Variants in KCNQ1 observed in about 807,000 individuals in gnomAD.
KCNQ1 encodes the protein potassium voltage-gated channel subfamily KQT member 1.
A neutral mutation model predicts 72.4 loss-of-function variants in KCNQ1; 49 were observed. That is an observed-to-expected ratio of 0.68 (90% CI 0.54 to 0.86). The LOEUF is 0.86. Ranked by LOEUF, KCNQ1 falls within the 40% of genes least tolerant of loss-of-function variation. The pLI is 0.00. For missense variants in KCNQ1, 790 were observed against 945.1 expected (o/e 0.84, Z 2.15); for synonymous variants, 450 against 412.6 (o/e 1.09, Z -1.10).
rs1313132427 is a variant in KCNQ1, at chr11:2,572,005, C to G, written c.684-8C>G. 6.2e-7 allele frequency: 1 copy of G among 1,611,004 alleles called. No individual in the cohort carries two copies. Among genetic ancestry groups the G allele is most frequent in the Admixed American group, 1.7e-5 (1 of 59,890 alleles). Reference sequence around the variant, plus strand: ...GGCTCCCTCAGCCCCACACCATCTCCTTCGCAGGGGCATCCGCTTCCTGCA... The same window carrying G: ...GGCTCCCTCAGCCCCACACCATCTCGTTCGCAGGGGCATCCGCTTCCTGCA... On this transcript the variant is annotated splice_region_variant and splice_polypyrimidine_tract_variant and intron_variant, in intron 4 of 15. Transcript: ENST00000155840.
chr11:2,552,586 C>CAA (rs948011621), intron 2 of KCNQ1, among the ~76,000 whole-genome samples: 8 of 148,992 alleles, frequency 5.4e-5, no homozygotes, highest in African/African-American at 1.7e-4. Context: ...TCAATTCTAC[C>CAA]AAAAAAAAAA....
intron 2 of KCNQ1, among the ~76,000 whole-genome samples, chr11:2,532,330 T>C (rs179433): frequency 0.74 from 111,914 of 151,778 alleles, 41,535 homozygotes; most frequent in Non-Finnish European, 0.78. Context: ...CCAGCGAGGA[T>C]GACCCAGCTT....
intron 10 of KCNQ1, chr11:2,628,874 C>T (rs767804674): frequency 8.8e-5 from 35 of 398,066 alleles, no homozygotes; most frequent in Non-Finnish European, 1.5e-4. Flanking sequence ...AAGAGAGTAC[C>T]CTTTCCCCAT....
rs1850874385 is a variant in KCNQ1, at chr11:2,704,475, A to G, written c.1514+42394A>G. 6.6e-6 allele frequency among the ~76,000 whole-genome samples: 1 copy of G among 152,206 alleles called. No individual in the cohort carries two copies. The highest frequency in any genetic ancestry group is 2.4e-5 in the African/African-American group (1 of 41,460). On this transcript the variant is annotated intron_variant, in intron 11 of 15. Transcript: ENST00000155840. This position sits in a 1 kb window ranked among gnomAD's most constrained non-coding sequence, Gnocchi z 4.3. ...AAATCACATCCCCACCAGGATGGGCAGGCTCTGGGTCCTTTTGGGCCTTGT... is the reference window on the plus strand; with the variant it reads ...AAATCACATCCCCACCAGGATGGGCGGGCTCTGGGTCCTTTTGGGCCTTGT...
chr11:2,497,428 C>G lies in KCNQ1; in HGVS notation c.387-30500C>G, dbSNP rs1846941544. 6.6e-6 allele frequency among the ~76,000 whole-genome samples: 1 copy of G among 152,098 alleles called. No individual in the cohort carries two copies. The highest frequency in any genetic ancestry group is 2.4e-5 in the African/African-American group (1 of 41,426). Reference sequence around the variant, plus strand: ...ATTTCGTTAAGTTGATCTTCAATCTCTGATATCCTTTCTTCCACTTGATTC... The same window carrying G: ...ATTTCGTTAAGTTGATCTTCAATCTGTGATATCCTTTCTTCCACTTGATTC... On this transcript the variant is annotated intron_variant, in intron 1 of 15. Coordinates refer to ENST00000155840, the MANE Select transcript of KCNQ1 (RefSeq NM_000218.3). The surrounding 1 kb of genome is among the most constrained non-coding windows in gnomAD (Gnocchi z 4.5).
At chr11:2,791,747 T>TC (rs1847028507) in intron 15 of KCNQ1, among the ~76,000 whole-genome samples, 1 of 151,660 alleles carries the variant, frequency 6.6e-6, no homozygotes. Flanking sequence ...TGGCCCCAGG[T>TC]CAGAGGTGGC....
chr11:2,694,147 A>G (rs1418751763), intron 11 of KCNQ1: 1 of 398,578 alleles, frequency 2.5e-6, no homozygotes, highest in South Asian at 1.3e-4. Context: ...TATACTGCTG[A>G]CCAGGGAAGA....
rs1039602122 is a variant in KCNQ1, at chr11:2,715,100, G to A, written c.1514+53019G>A. ...GGTAATGCCACTGATGATACTTGGC[G>A]AGGATGACCGCAAGTGTCTTGACCC... On this transcript the variant is annotated intron_variant, in intron 11 of 15. Coordinates refer to ENST00000155840, the MANE Select transcript of KCNQ1 (RefSeq NM_000218.3). This position sits in a 1 kb window ranked among gnomAD's most constrained non-coding sequence, Gnocchi z 4.9. Among the ~76,000 whole-genome samples the A allele has an allele frequency of 3.9e-5, 6 of 152,110 alleles. No individual in the cohort carries two copies. The highest frequency in any genetic ancestry group is 5.9e-5 in the Non-Finnish European group (4 of 68,020).
In KCNQ1 at chr11:2,536,511, C is replaced by T. The variant is rs1357945517; in HGVS notation, c.477+8493C>T. On this transcript the variant is annotated intron_variant, in intron 2 of 15. Coordinates refer to ENST00000155840, the MANE Select transcript of KCNQ1 (RefSeq NM_000218.3). The surrounding 1 kb of genome is among the most constrained non-coding windows in gnomAD (Gnocchi z 7.4). The stretch of plus-strand genomic sequence containing the variant: ...GAGGACCTGGGGAGACATGCTGAGC[C>T]CTCCCAGCGAGACACTGAGGGTCGG... Among the ~76,000 whole-genome samples the T allele has an allele frequency of 6.6e-6, 1 of 152,120 alleles. No individual in the cohort carries two copies. The highest frequency in any genetic ancestry group is 2.1e-4 in the South Asian group (1 of 4,824).
intron 10 of KCNQ1, chr11:2,643,749 C>T: frequency 2.5e-6 from 1 of 398,570 alleles, no homozygotes; most frequent in Non-Finnish European, 4.4e-6. Context: ...TCCTGTAAGA[C>T]TCCCTTAAGC....
At chr11:2,701,236 G>C (rs1412198241) in intron 11 of KCNQ1, among the ~76,000 whole-genome samples, 1 of 152,190 alleles carries the variant, frequency 6.6e-6, no homozygotes, top group Non-Finnish European at 1.5e-5. Flanking sequence ...TTGTTCTTCA[G>C]CCCAGAAGAG....
intron 7 of KCNQ1, among the ~76,000 whole-genome samples, chr11:2,584,396 GGTTTGT>G (rs374635696): frequency 1.1e-4 from 16 of 149,562 alleles, no homozygotes; most frequent in African/African-American, 2.8e-4. Flanking sequence ...TTAGTGTGTG[GGTTTGT>G]GTTTGTGTTT....
At chr11:2,487,588 C>T (rs1846762184) in intron 1 of KCNQ1, among the ~76,000 whole-genome samples, 1 of 152,154 alleles carries the variant, frequency 6.6e-6, no homozygotes. Context: ...CTTTTACCTC[C>T]TTGGTTAAGT....
rs1390611634 is a variant in KCNQ1 at position 2,481,250 on chromosome 11, A to G, written c.386+35766A>G. On this transcript the variant is annotated intron_variant, in intron 1 of 15. Transcript: ENST00000155840. The surrounding 1 kb of genome is among the most constrained non-coding windows in gnomAD (Gnocchi z 4.6). ...ATTGTAAAGTTCAGAAATGTTAATCAGAGAACGTGCAGAAATTTTTAAAGA... is the reference window on the plus strand; with the variant it reads ...ATTGTAAAGTTCAGAAATGTTAATCGGAGAACGTGCAGAAATTTTTAAAGA... Among the ~76,000 whole-genome samples, 1 of 152,234 alleles carries G rather than the reference A, an allele frequency of 6.6e-6. No individual in the cohort carries two copies. The highest frequency in any genetic ancestry group is 1.5e-5 in the Non-Finnish European group (1 of 68,036).
At position 2,698,416 on chromosome 11, in the gene KCNQ1, GC is replaced by G; in HGVS notation, c.1514+36338del. 1 of 392,150 alleles carries G rather than the reference GC, an allele frequency of 2.6e-6. No homozygotes were observed. The highest frequency in any genetic ancestry group is 3.7e-5 in the East Asian group (1 of 27,208). The allele number at this position is 392,150 out of a possible 1,614,324, so 24.3% of individuals were successfully genotyped here. On this transcript the variant is annotated intron_variant, in intron 11 of 15. Transcript: ENST00000155840. This position sits in a 1 kb window ranked among gnomAD's most constrained non-coding sequence, Gnocchi z 5.1. ...GTACTGGGATCTGAACATAGTGGTGGCCCTTCAAGCCTACTACCCAGACTGA... is the reference window on the plus strand; with the variant it reads ...GTACTGGGATCTGAACATAGTGGTGGCCTTCAAGCCTACTACCCAGACTGA...
rs1050841237 is a variant in KCNQ1, at chr11:2,536,107, C to A, written c.477+8089C>A. ...CCAGCCACCCAGCCCCATGCACAGG[C>A]CACGCGGCGACAGGGGCTGCTGAAG... On this transcript the variant is annotated intron_variant, in intron 2 of 15. Transcript: ENST00000155840. The surrounding 1 kb of genome is among the most constrained non-coding windows in gnomAD (Gnocchi z 7.4). Among the ~76,000 whole-genome samples, 1 of 152,214 alleles carries A rather than the reference C, an allele frequency of 6.6e-6. No individual in the cohort carries two copies.
chr11:2,575,419 C>T (rs1018524356), intron 6 of KCNQ1, among the ~76,000 whole-genome samples: 3 of 152,216 alleles, frequency 2.0e-5, no homozygotes, highest in South Asian at 2.1e-4. Context: ...AGCTGCCCTG[C>T]AGCTGTCTGG....
At chr11:2,841,266 C>T (rs969967625) in intron 15 of KCNQ1, among the ~76,000 whole-genome samples, 3 of 152,154 alleles carry the variant, frequency 2.0e-5, no homozygotes, top group South Asian at 2.1e-4. Context: ...GAGGGGCCAG[C>T]GGAGCCTCTG....
At chr11:2,594,832 T>C (rs1171300964) in intron 10 of KCNQ1, among the ~76,000 whole-genome samples, 1 of 152,274 alleles carries the variant, frequency 6.6e-6, no homozygotes, top group African/African-American at 2.4e-5. Context: ...CTCTATCCTG[T>C]CATTTCATCA....
Sources: gnomAD v4.1 joint callset for allele counts (sites outside exome capture counted in the v4.1 genomes callset) on GRCh38, gnomAD v4.1.1 for gene constraint, Gnocchi (gnomAD v3.1) non-coding constraint, MANE v1.5 for transcripts, NCBI Gene and HGNC (gene_info 2026-07-23, HGNC 2026-07-21) for gene names.